PRKN: variants seen among roughly 807,000 people sequenced by gnomAD.
PRKN encodes parkin RBR E3 ubiquitin protein ligase, also known as E3 ubiquitin-protein ligase parkin.
In PRKN, 56 loss-of-function variants were observed where a neutral mutation model predicts 59.5. The observed-to-expected ratio is 0.94, with a 90% CI of 0.76 to 1.18. The LOEUF (loss-of-function observed/expected upper bound fraction) is 1.18. Ranked by LOEUF, PRKN falls within the 50% of genes most tolerant of loss-of-function variation. PRKN has a pLI of 0.00. For missense variants in PRKN, 657 were observed against 596.4 expected (o/e 1.10, Z -1.06); for synonymous variants, 250 against 222.1 (o/e 1.13, Z -1.12).
chr6:162,225,887 TATATATATATATATATATAC>T (rs1778149041), intron 3 of PRKN, among the ~76,000 whole-genome samples: 1 of 50,852 alleles, frequency 2.0e-5, no homozygotes, highest in East Asian at 2.3e-3. Context: ...TGTAGGGCTG[TATATATATATATATATATAC>T]TTTTGTTATA....
chr6:161,945,201 A>C (rs1337843537), intron 6 of PRKN, among the ~76,000 whole-genome samples: 2 of 152,166 alleles, frequency 1.3e-5, no homozygotes, highest in Non-Finnish European at 2.9e-5. Flanking sequence ...AGCATCAGAA[A>C]TAATGGGCCC....
intron 3 of PRKN, among the ~76,000 whole-genome samples, chr6:162,212,305 T>C (rs1008874070): frequency 5.9e-5 from 9 of 151,494 alleles, no homozygotes; most frequent in African/African-American, 1.7e-4. Context: ...CAAGGGCAAG[T>C]TTCATGTCAG....
chr6:162,222,517 C>A (rs1562592134), intron 3 of PRKN, among the ~76,000 whole-genome samples: 1 of 152,150 alleles, frequency 6.6e-6, no homozygotes, highest in African/African-American at 2.4e-5. Context: ...AGCAAGAAAG[C>A]TAGGACTTCA....
intron 9 of PRKN, among the ~76,000 whole-genome samples, chr6:161,520,599 A>G (rs1032147591): frequency 1.3e-4 from 20 of 152,212 alleles, no homozygotes; most frequent in African/African-American, 4.8e-4. Flanking sequence ...AAAGGTTAGT[A>G]GTTAATAGCT....
chr6:161,687,388 C>CAAA (rs1192587302), intron 7 of PRKN, among the ~76,000 whole-genome samples: 1 of 51,558 alleles, frequency 1.9e-5, no homozygotes, highest in African/African-American at 8.9e-5. Flanking sequence ...GACTCCATCT[C>CAAA]AAAAAAAAAA....
chr6:161,854,694 A>C (rs1191481529), intron 6 of PRKN, among the ~76,000 whole-genome samples: 1 of 152,190 alleles, frequency 6.6e-6, no homozygotes. Context: ...CAGTCACCAT[A>C]GCATGATTAA....
At chr6:162,726,705 C>T (rs1057043247) in intron 1 of PRKN, among the ~76,000 whole-genome samples, 3 of 152,334 alleles carry the variant, frequency 2.0e-5, no homozygotes, top group East Asian at 3.9e-4. Flanking sequence ...TGACTTCGAA[C>T]GTACTTACTG....
At chr6:162,495,307 A>G (rs952406550) in intron 1 of PRKN, among the ~76,000 whole-genome samples, 1 of 152,216 alleles carries the variant, frequency 6.6e-6, no homozygotes, top group Non-Finnish European at 1.5e-5. Flanking sequence ...TTTTCTCATC[A>G]GAGAATTAAA....
At chr6:162,458,444 AT>A (rs377109671) in intron 1 of PRKN, among the ~76,000 whole-genome samples, 4 of 139,364 alleles carry the variant, frequency 2.9e-5, no homozygotes, top group Admixed American at 7.2e-5. Context: ...AAAAAAAAAA[AT>A]TTTTTTTAAA....
At chr6:162,001,317 A>C (rs981069699) in intron 5 of PRKN, among the ~76,000 whole-genome samples, 19 of 152,002 alleles carry the variant, frequency 1.2e-4, no homozygotes, top group African/African-American at 4.6e-4. Context: ...TTCTTTCATC[A>C]CAGTTTTGTA....
At chr6:162,156,048 C>A (rs1782499559) in intron 4 of PRKN, among the ~76,000 whole-genome samples, 1 of 144,224 alleles carries the variant, frequency 6.9e-6, no homozygotes, top group African/African-American at 2.6e-5. Context: ...TAAATATATG[C>A]CTTCACCCAC....
At position 161,361,313 on chromosome 6, in the gene PRKN, T is replaced by G. The variant is rs1784968117; in HGVS notation, c.1168-1108A>C. On this transcript the variant is annotated intron_variant, in intron 10 of 11. Coordinates refer to ENST00000366898, the MANE Select transcript of PRKN (RefSeq NM_004562.3). The surrounding 1 kb of genome is among the most constrained non-coding windows in gnomAD (Gnocchi z 5.2). ...TTAATAGTTTCTTTAGGAATTAGTG[T>G]TCATGTTTCTGTTATTTCTGTGGAA... Among the ~76,000 whole-genome samples the G allele has an allele frequency of 6.6e-6, 1 of 152,206 alleles. No homozygotes were observed. Among genetic ancestry groups the G allele is most frequent in the Non-Finnish European group, 1.5e-5 (1 of 68,032 alleles).
intron 2 of PRKN, among the ~76,000 whole-genome samples, chr6:162,349,101 C>A (rs1784520504): frequency 6.6e-6 from 1 of 152,096 alleles, no homozygotes; most frequent in Admixed American, 6.6e-5. Flanking sequence ...TTTGTAAAAA[C>A]CTTTCAGTGA....
intron 4 of PRKN, among the ~76,000 whole-genome samples, chr6:162,166,605 G>A (rs1298398444): frequency 6.6e-6 from 1 of 152,188 alleles, no homozygotes; most frequent in African/African-American, 2.4e-5. Context: ...GTATACTCAT[G>A]TCTCCAACTC....
intron 4 of PRKN, among the ~76,000 whole-genome samples, chr6:162,080,018 T>A (rs1297664574): frequency 1.3e-5 from 2 of 152,108 alleles, no homozygotes; most frequent in Non-Finnish European, 2.9e-5. Flanking sequence ...CTGGACATTT[T>A]CTGGTGACTG....
chr6:162,142,289 A>C (rs570587068), intron 4 of PRKN, among the ~76,000 whole-genome samples: 1 of 152,198 alleles, frequency 6.6e-6, no homozygotes, highest in African/African-American at 2.4e-5. Flanking sequence ...TGCAGCACAG[A>C]TGGCAGCCCA....
At chr6:162,072,060 G>A (rs1397824519) in intron 4 of PRKN, among the ~76,000 whole-genome samples, 1 of 152,118 alleles carries the variant, frequency 6.6e-6, no homozygotes, top group Non-Finnish European at 1.5e-5. Flanking sequence ...CATCTAAAAA[G>A]TGACACACAT....
intron 6 of PRKN, among the ~76,000 whole-genome samples, chr6:161,917,983 T>G (rs1778637082): frequency 1.3e-5 from 2 of 152,240 alleles, no homozygotes; most frequent in African/African-American, 2.4e-5. Flanking sequence ...TCCTTCACCA[T>G]AATTTCATTG....
chr6:161,669,199 G>A (rs962116429), intron 7 of PRKN, among the ~76,000 whole-genome samples: 26 of 152,210 alleles, frequency 1.7e-4, no homozygotes, highest in African/African-American at 6.0e-4. Flanking sequence ...CCAGCGTCTT[G>A]ATCTTGGACT....
Sources: allele counts gnomAD v4.1 joint callset (sites outside exome capture counted in the v4.1 genomes callset), GRCh38; gene constraint gnomAD v4.1.1; non-coding constraint Gnocchi (gnomAD v3.1); transcripts MANE v1.5; gene names NCBI Gene and HGNC (gene_info 2026-07-23, HGNC 2026-07-21).